PCDH9: variants seen among roughly 807,000 people sequenced by gnomAD.
The protein encoded by PCDH9 is protocadherin 9.
PCDH9 carries 24 observed loss-of-function variants against 70.6 expected under a neutral mutation model. That is an observed-to-expected ratio of 0.34 (90% CI 0.25 to 0.48). The LOEUF is 0.48. PCDH9 is among the 20% of genes least tolerant of loss of function. The probability of loss-of-function intolerance (pLI) is 0.99; values close to 1 mark genes in which losing one functional copy is unlikely to be tolerated. For missense variants in PCDH9, 1,281 were observed against 1,503.6 expected, an observed-to-expected ratio of 0.85 and a Z score of 2.45; for synonymous variants, 562 against 558.5, an observed-to-expected ratio of 1.01 and a Z score of -0.09.
In PCDH9 at chr13:66,657,062, C is replaced by T. The variant is rs144776139; in HGVS notation, c.3139-25651G>A. On this transcript the variant is annotated intron_variant, in intron 3 of 4. Coordinates refer to ENST00000377865, the MANE Select transcript of PCDH9 (RefSeq NM_203487.3). ...AAGCCTATGTCCATTTTAATTACACCGATTTGCCTAGACCACCAGGCAATC... is the reference window on the plus strand; with the variant it reads ...AAGCCTATGTCCATTTTAATTACACTGATTTGCCTAGACCACCAGGCAATC... Among the ~76,000 whole-genome samples the T allele has an allele frequency of 4.6e-5, 7 of 152,204 alleles. No homozygotes were observed. The East Asian group carries it at 1.4e-3, about 29-fold the overall frequency.
At chr13:67,113,469 T>C (rs2086695926) in intron 2 of PCDH9, among the ~76,000 whole-genome samples, 1 of 152,164 alleles carries the variant, frequency 6.6e-6, no homozygotes, top group Non-Finnish European at 1.5e-5. Flanking sequence ...TATAAGACTG[T>C]TCCTCTCGTC....
At chr13:66,324,713 G>C (rs1291375035) in intron 4 of PCDH9, among the ~76,000 whole-genome samples, 1 of 151,956 alleles carries the variant, frequency 6.6e-6, no homozygotes, top group Non-Finnish European at 1.5e-5. Flanking sequence ...AAGTGTAAAA[G>C]AAAGTTTAGT....
At chr13:66,509,559 T>C (rs575948632) in intron 4 of PCDH9, among the ~76,000 whole-genome samples, 6 of 152,312 alleles carry the variant, frequency 3.9e-5, no homozygotes, top group African/African-American at 1.4e-4. Flanking sequence ...AAAAATCTTT[T>C]CACCTTTTGT....
At chr13:66,818,859 A>C (rs187137009) in intron 3 of PCDH9, among the ~76,000 whole-genome samples, 4,865 of 151,950 alleles carry the variant, frequency 0.032, 266 homozygotes, top group African/African-American at 0.11. Flanking sequence ...GCGTGAACCC[A>C]GGAGGCGGAG....
At chr13:66,819,067 A>G (rs1313097586) in intron 3 of PCDH9, among the ~76,000 whole-genome samples, 1 of 152,228 alleles carries the variant, frequency 6.6e-6, no homozygotes, top group African/African-American at 2.4e-5. Context: ...TAACCTACAA[A>G]GAAGGGGTTC....
At chr13:66,735,722 G>A (rs7320414) in intron 3 of PCDH9, among the ~76,000 whole-genome samples, 2 of 152,120 alleles carry the variant, frequency 1.3e-5, no homozygotes, top group African/African-American at 4.8e-5. Context: ...CCAGCACTTT[G>A]GGAGGGTGAG....
At chr13:66,698,428 C>A (rs2078592257) in intron 3 of PCDH9, among the ~76,000 whole-genome samples, 1 of 152,128 alleles carries the variant, frequency 6.6e-6, no homozygotes. Context: ...TTAAGCAGTT[C>A]ATCCCTTTTA....
At chr13:66,929,572 C>T (rs2082773290) in intron 2 of PCDH9, among the ~76,000 whole-genome samples, 1 of 152,126 alleles carries the variant, frequency 6.6e-6, no homozygotes, top group Non-Finnish European at 1.5e-5. Context: ...GATCCACCTG[C>T]CTCCGCCTCC....
At chr13:66,320,265 T>C (rs1051025204) in intron 4 of PCDH9, among the ~76,000 whole-genome samples, 3 of 152,106 alleles carry the variant, frequency 2.0e-5, no homozygotes, top group African/African-American at 7.3e-5. Context: ...TTTGATTTCA[T>C]GCTGTAAAGT....
At chr13:67,017,374 G>A (rs1338252378) in intron 2 of PCDH9, among the ~76,000 whole-genome samples, 2 of 152,094 alleles carry the variant, frequency 1.3e-5, no homozygotes, top group African/African-American at 2.4e-5. Flanking sequence ...ATCACTTTTG[G>A]GAATCTAAAT....
At chr13:66,668,026 A>C (rs958891735) in intron 3 of PCDH9, among the ~76,000 whole-genome samples, 2 of 152,178 alleles carry the variant, frequency 1.3e-5, no homozygotes, top group Non-Finnish European at 2.9e-5. Flanking sequence ...AAACATAATG[A>C]ATAAAATCCA....
At chr13:66,318,178 A>G (rs1222111941) in intron 4 of PCDH9, among the ~76,000 whole-genome samples, 2 of 152,196 alleles carry the variant, frequency 1.3e-5, no homozygotes, top group Non-Finnish European at 2.9e-5. Flanking sequence ...TACTTCATTA[A>G]TATGGTTTCT....
chr13:66,432,399 T>G (rs888642652), intron 4 of PCDH9, among the ~76,000 whole-genome samples: 1 of 152,028 alleles, frequency 6.6e-6, no homozygotes, highest in African/African-American at 2.4e-5. Flanking sequence ...ACTTTCAAAG[T>G]AATAATTATT....
chr13:66,982,015 G>C (rs1327853680), intron 2 of PCDH9, among the ~76,000 whole-genome samples: 1 of 152,130 alleles, frequency 6.6e-6, no homozygotes, highest in East Asian at 1.9e-4. Context: ...TCTAGTGAGA[G>C]GTGTTTGGAT....
At chr13:67,178,405 A>G (rs948080072) in intron 2 of PCDH9, among the ~76,000 whole-genome samples, 1 of 152,106 alleles carries the variant, frequency 6.6e-6, no homozygotes, top group African/African-American at 2.4e-5. Context: ...CACAATAACT[A>G]TTTATCTAAC....
intron 3 of PCDH9, among the ~76,000 whole-genome samples, chr13:66,766,097 A>T (rs1043906310): frequency 2.0e-5 from 3 of 152,088 alleles, no homozygotes; most frequent in South Asian, 2.1e-4. Flanking sequence ...GATATTTAAT[A>T]AAAAAGCTGA....
intron 4 of PCDH9, among the ~76,000 whole-genome samples, chr13:66,615,541 A>T (rs973303407): frequency 2.6e-5 from 4 of 152,242 alleles, no homozygotes; most frequent in African/African-American, 4.8e-5. Context: ...CTTTTCAAAG[A>T]TGGTTCATAA....
intron 3 of PCDH9, among the ~76,000 whole-genome samples, chr13:66,673,438 T>C (rs918314820): frequency 7.2e-5 from 11 of 152,138 alleles, no homozygotes; most frequent in African/African-American, 2.7e-4. Flanking sequence ...TATTTCTTCA[T>C]AGCATTATGA....
chr13:66,819,476 T>TA (rs1052680591), intron 3 of PCDH9, among the ~76,000 whole-genome samples: 1 of 152,148 alleles, frequency 6.6e-6, no homozygotes, highest in African/African-American at 2.4e-5. Context: ...TTTACTACGA[T>TA]AAAAAATATG....
Sources: allele counts gnomAD v4.1 joint callset (sites outside exome capture counted in the v4.1 genomes callset), GRCh38; gene constraint gnomAD v4.1.1; transcripts MANE v1.5; gene names NCBI Gene and HGNC (gene_info 2026-07-23, HGNC 2026-07-21).